Variants in SOX5 observed in about 807,000 individuals in gnomAD.
SOX5 encodes the protein transcription factor SOX-5.
A neutral mutation model predicts 92.0 loss-of-function variants in SOX5; 9 were observed. That is an observed-to-expected ratio of 0.10 (90% CI 0.06 to 0.17). The LOEUF (loss-of-function observed/expected upper bound fraction) is 0.17. Among genes scored for constraint, SOX5 ranks in the 10% least tolerant of loss-of-function variants. SOX5 has a pLI of 1.00. For synonymous variants in SOX5, 344 were observed against 336.3 expected, an observed-to-expected ratio of 1.02 and a Z score of -0.25; for missense variants, 642 against 944.5, an observed-to-expected ratio of 0.68 and a Z score of 4.20.
At chr12:24,258,926 C>T (rs1025029779) in intron 3 of SOX5, among the ~76,000 whole-genome samples, 3 of 152,182 alleles carry the variant, frequency 2.0e-5, no homozygotes, top group Non-Finnish European at 2.9e-5. Flanking sequence ...AGTTAGACAA[C>T]GGCAGTCAAG....
intron 4 of SOX5, among the ~76,000 whole-genome samples, chr12:24,049,806 AG>A (rs1039540089): frequency 3.3e-4 from 50 of 151,918 alleles, no homozygotes; most frequent in African/African-American, 1.1e-3. Flanking sequence ...ACTCAGCTGA[AG>A]TTGCTTTCAA....
At chr12:23,758,329 A>G (rs2094461813) in intron 3 of SOX5, among the ~76,000 whole-genome samples, 1 of 151,918 alleles carries the variant, frequency 6.6e-6, no homozygotes. Flanking sequence ...AAAAAGAAAA[A>G]AGAGAATTGC....
At chr12:24,517,981 T>C (rs1387566928) in intron 1 of SOX5, among the ~76,000 whole-genome samples, 1 of 152,180 alleles carries the variant, frequency 6.6e-6, no homozygotes, top group Non-Finnish European at 1.5e-5. Flanking sequence ...TACAATTTAG[T>C]GTTTTGAATC....
chr12:24,289,755 G>A (rs1417937104), intron 2 of SOX5, among the ~76,000 whole-genome samples: 1 of 150,980 alleles, frequency 6.6e-6, no homozygotes, highest in East Asian at 1.9e-4. Flanking sequence ...GCGCCCGGCC[G>A]GACATTTGTA....
chr12:24,343,027 T>C, intron 2 of SOX5, among the ~76,000 whole-genome samples: 1 of 152,236 alleles, frequency 6.6e-6, no homozygotes, highest in Non-Finnish European at 1.5e-5. Flanking sequence ...CTTTTTAAAC[T>C]AGTAGTAACT....
chr12:24,287,437 AG>A (rs1487923879), intron 2 of SOX5, among the ~76,000 whole-genome samples: 1 of 152,108 alleles, frequency 6.6e-6, no homozygotes, highest in African/African-American at 2.4e-5. Flanking sequence ...TTGAACACTA[AG>A]TGCTGCTTCC....
At chr12:24,284,387 T>C (rs138065764) in intron 2 of SOX5, among the ~76,000 whole-genome samples, 39 of 151,884 alleles carry the variant, frequency 2.6e-4, no homozygotes, top group African/African-American at 8.7e-4. Flanking sequence ...GGAGGAGAGC[T>C]GATGGAGGTG....
At chr12:23,833,049 T>G (rs1329956830) in intron 3 of SOX5, among the ~76,000 whole-genome samples, 1 of 151,952 alleles carries the variant, frequency 6.6e-6, no homozygotes, top group East Asian at 1.9e-4. Context: ...GTGGATTCAT[T>G]TGAAAGCCAA....
chr12:23,984,689 C>A (rs1949897841), intron 4 of SOX5, among the ~76,000 whole-genome samples: 1 of 152,026 alleles, frequency 6.6e-6, no homozygotes, highest in Non-Finnish European at 1.5e-5. Flanking sequence ...TTGAAAATGC[C>A]AAAATAAGAG....
chr12:24,353,208 T>G (rs1264097522), intron 2 of SOX5, among the ~76,000 whole-genome samples: 1 of 152,234 alleles, frequency 6.6e-6, no homozygotes, highest in East Asian at 1.9e-4. Context: ...GTCAATGTGC[T>G]GTGTCAAGAC....
At chr12:24,473,059 T>C (rs536654673) in intron 1 of SOX5, among the ~76,000 whole-genome samples, 1 of 152,136 alleles carries the variant, frequency 6.6e-6, no homozygotes, top group Non-Finnish European at 1.5e-5. Context: ...CTCAAAAACA[T>C]TACTCTTTGT....
chr12:23,592,596 A>T (rs987609848), intron 9 of SOX5, among the ~76,000 whole-genome samples: 1 of 152,114 alleles, frequency 6.6e-6, no homozygotes. Flanking sequence ...CCTATTCTTG[A>T]TATTTAGAAA....
At chr12:24,349,324 G>A (rs1184737520) in intron 2 of SOX5, among the ~76,000 whole-genome samples, 1 of 152,132 alleles carries the variant, frequency 6.6e-6, no homozygotes, top group Admixed American at 6.5e-5. Flanking sequence ...TTTTTAAGTG[G>A]ACTGTTTAGT....
intron 2 of SOX5, among the ~76,000 whole-genome samples, chr12:23,872,510 A>G (rs2096886384): frequency 6.6e-6 from 1 of 152,178 alleles, no homozygotes; most frequent in Admixed American, 6.5e-5. Context: ...ATGGTTTGAT[A>G]TGAGATAAAG....
At chr12:24,475,145 G>A (rs1412085671) in intron 1 of SOX5, among the ~76,000 whole-genome samples, 2 of 152,086 alleles carry the variant, frequency 1.3e-5, no homozygotes, top group Admixed American at 6.5e-5. Context: ...AGCCCTTAAT[G>A]AGAATTCTCT....
intron 9 of SOX5, among the ~76,000 whole-genome samples, chr12:23,602,895 G>A (rs368021034): frequency 3.7e-4 from 57 of 152,118 alleles, no homozygotes; most frequent in South Asian, 2.7e-3. Flanking sequence ...TGATTATAAA[G>A]AAAAGCAGAC....
At chr12:23,993,260 T>C (rs61910032) in intron 4 of SOX5, among the ~76,000 whole-genome samples, 33,368 of 152,136 alleles carry the variant, frequency 0.22, 3,849 homozygotes, top group Non-Finnish European at 0.24. Context: ...CATAAAGCCA[T>C]ATTCCAAATT....
intron 3 of SOX5, among the ~76,000 whole-genome samples, chr12:24,250,193 A>G (rs1442687901): frequency 1.3e-5 from 2 of 152,244 alleles, no homozygotes; most frequent in African/African-American, 2.4e-5. Flanking sequence ...AAAGTTTATG[A>G]TGGTAAAGTT....
chr12:23,734,790 T>C (rs764460537), intron 5 of SOX5, 38 bp from the exon 6 acceptor site: 16 of 1,544,082 alleles, frequency 1.0e-5, no homozygotes, highest in Non-Finnish European at 1.4e-5. Flanking sequence ...TACAAGTATA[T>C]TGTAGTCCCG....
Sources: allele counts gnomAD v4.1 joint callset (sites outside exome capture counted in the v4.1 genomes callset), GRCh38; gene constraint gnomAD v4.1.1; transcripts MANE v1.5; gene names NCBI Gene and HGNC (gene_info 2026-07-23, HGNC 2026-07-21).